Variants in FHIT observed in about 807,000 individuals in gnomAD.
The protein encoded by FHIT is bis(5'-adenosyl)-triphosphatase.
Under a neutral mutation model 17.9 loss-of-function variants are expected in FHIT, and 19 were observed. That is an observed-to-expected ratio of 1.06 (90% CI 0.74 to 1.56). The LOEUF (loss-of-function observed/expected upper bound fraction) is 1.56, where lower values mean the gene tolerates loss of function less well. Ranked by LOEUF, FHIT falls within the 40% of genes most tolerant of loss-of-function variation. The probability of loss-of-function intolerance (pLI) is 0.00; values close to 1 mark genes in which losing one functional copy is unlikely to be tolerated. For missense variants in FHIT, 248 were observed against 189.2 expected (o/e 1.31, Z -1.82); for synonymous variants, 81 against 69.7 (o/e 1.16, Z -0.81).
chr3:60,107,226 A>T (rs1309355444), intron 5 of FHIT, among the ~76,000 whole-genome samples: 1 of 143,480 alleles, frequency 7.0e-6, no homozygotes, highest in Admixed American at 7.4e-5. Context: ...TCCAGAGCAC[A>T]TGTGCATAGA....
intron 2 of FHIT, among the ~76,000 whole-genome samples, chr3:61,044,627 A>G (rs1193247797): frequency 2.0e-5 from 3 of 152,180 alleles, no homozygotes; most frequent in Non-Finnish European, 4.4e-5. Flanking sequence ...CAGGAAATAC[A>G]GAGACGCCAC....
intron 3 of FHIT, among the ~76,000 whole-genome samples, chr3:60,966,782 T>C (rs990762647): frequency 3.3e-5 from 5 of 152,248 alleles, no homozygotes; most frequent in Non-Finnish European, 5.9e-5. Context: ...ACAGAAGATA[T>C]GGTAAAATGT....
chr3:61,052,849 TA>T lies in FHIT; in HGVS notation c.-163-10751del, dbSNP rs1350100142. On this transcript the variant is annotated intron_variant, in intron 2 of 9. Coordinates refer to ENST00000492590, the MANE Select transcript of FHIT (RefSeq NM_002012.4). The stretch of plus-strand genomic sequence containing the variant: ...TAATTCTTTTAGATGTTAATTAATC[TA>T]TTTTTTTTTAAATGAAGATGACTTT... Among the ~76,000 whole-genome samples the T allele has an allele frequency of 2.1e-5, 3 of 145,360 alleles. No homozygotes were observed. The Admixed American group carries it at 2.1e-4, about 10-fold the overall frequency.
chr3:60,702,272 C>T (rs1553702368), intron 4 of FHIT, among the ~76,000 whole-genome samples: 1 of 152,100 alleles, frequency 6.6e-6, no homozygotes, highest in Non-Finnish European at 1.5e-5. Context: ...ATTTTAATAA[C>T]AGTAACTTTA....
chr3:60,003,887 A>G (rs575609234), intron 7 of FHIT, among the ~76,000 whole-genome samples: 9 of 149,932 alleles, frequency 6.0e-5, no homozygotes, highest in African/African-American at 2.2e-4. Context: ...CAGAATTGAC[A>G]GTTTGGCCAG....
At chr3:59,900,162 C>G (rs1384564086) in intron 8 of FHIT, among the ~76,000 whole-genome samples, 1 of 152,170 alleles carries the variant, frequency 6.6e-6, no homozygotes, top group African/African-American at 2.4e-5. Context: ...CTGGTAGCCA[C>G]AGTCCTCTGA....
intron 5 of FHIT, among the ~76,000 whole-genome samples, chr3:60,454,861 A>C (rs1168708800): frequency 6.6e-6 from 1 of 152,048 alleles, no homozygotes; most frequent in Non-Finnish European, 1.5e-5. Context: ...AAAGATAAGG[A>C]AACTGAGGCA....
chr3:61,211,236 T>A (rs11130828), intron 1 of FHIT, among the ~76,000 whole-genome samples: 3 of 151,418 alleles, frequency 2.0e-5, no homozygotes, highest in African/African-American at 4.8e-5. Context: ...GGGTCAGAGA[T>A]CTCCCTTTCC....
intron 4 of FHIT, among the ~76,000 whole-genome samples, chr3:60,686,415 G>A (rs190447558): frequency 6.6e-5 from 10 of 152,122 alleles, no homozygotes; most frequent in Non-Finnish European, 1.2e-4. Flanking sequence ...GCAAAACCAC[G>A]ATTACTTTTG....
chr3:60,273,263 A>G (rs1012418159), intron 5 of FHIT, among the ~76,000 whole-genome samples: 18 of 152,178 alleles, frequency 1.2e-4, no homozygotes, highest in Non-Finnish European at 2.2e-4. Context: ...TTAATATCCA[A>G]TTCTCTTCTA....
At position 60,385,797 on chromosome 3, in the gene FHIT, T is replaced by A. The variant is rs553029080; in HGVS notation, c.103+151063A>T. ...CTTACTACATTGCCTAGACTGGTCT[T>A]GAACTCCTGAACTCAATGGATCCTC... On this transcript the variant is annotated intron_variant, in intron 5 of 9. Coordinates refer to ENST00000492590, the MANE Select transcript of FHIT (RefSeq NM_002012.4). Among the ~76,000 whole-genome samples the A allele has an allele frequency of 3.3e-5, 5 of 152,206 alleles. No individual in the cohort carries two copies. The South Asian group carries it at 1.0e-3, about 32-fold the overall frequency.
At chr3:60,555,797 T>G (rs2107634208) in intron 4 of FHIT, among the ~76,000 whole-genome samples, 1 of 152,336 alleles carries the variant, frequency 6.6e-6, no homozygotes, top group South Asian at 2.1e-4. Context: ...GCTAGCAGAC[T>G]GAGACCGGCA....
chr3:60,127,974 C>A (rs1576162066), intron 5 of FHIT, among the ~76,000 whole-genome samples: 2 of 152,056 alleles, frequency 1.3e-5, no homozygotes, highest in Admixed American at 6.5e-5. Flanking sequence ...ACAAAGTCAG[C>A]AAAACCTTTG....
chr3:59,840,422 C>T (rs894874530), intron 8 of FHIT, among the ~76,000 whole-genome samples: 2 of 150,580 alleles, frequency 1.3e-5, no homozygotes, highest in African/African-American at 4.9e-5. Context: ...AAGAAACCAT[C>T]TATCAAAATT....
intron 3 of FHIT, among the ~76,000 whole-genome samples, chr3:60,833,844 T>C (rs1269542539): frequency 3.9e-5 from 6 of 152,242 alleles, no homozygotes; most frequent in African/African-American, 1.2e-4. Flanking sequence ...ACTCCATTTA[T>C]ATAATTTTTT....
intron 2 of FHIT, among the ~76,000 whole-genome samples, chr3:61,113,406 T>C (rs945479907): frequency 1.6e-4 from 24 of 152,172 alleles, no homozygotes; most frequent in African/African-American, 5.5e-4. Flanking sequence ...CAATATAAAA[T>C]CCAAATACTG....
intron 8 of FHIT, among the ~76,000 whole-genome samples, chr3:59,918,951 G>A (rs1422746141): frequency 6.6e-6 from 1 of 151,974 alleles, no homozygotes; most frequent in African/African-American, 2.4e-5. Context: ...AAGTAGGCTG[G>A]GAATGAGAAA....
intron 4 of FHIT, among the ~76,000 whole-genome samples, chr3:60,629,694 T>G (rs186564068): frequency 6.6e-6 from 1 of 152,302 alleles, no homozygotes; most frequent in African/African-American, 2.4e-5. Context: ...ACTGGCCAGA[T>G]TCTAGAATAA....
intron 8 of FHIT, among the ~76,000 whole-genome samples, chr3:59,757,116 T>C (rs113190480): frequency 8.5e-4 from 129 of 152,312 alleles, no homozygotes; most frequent in African/African-American, 2.8e-3. Context: ...CCAACGCTGA[T>C]GTATTACATA....
Sources: gnomAD v4.1 joint callset for allele counts (sites outside exome capture counted in the v4.1 genomes callset) on GRCh38, gnomAD v4.1.1 for gene constraint, MANE v1.5 for transcripts, NCBI Gene and HGNC (gene_info 2026-07-23, HGNC 2026-07-21) for gene names.